TMPRSS15: variants seen among roughly 807,000 people sequenced by gnomAD.
The protein encoded by TMPRSS15 is enteropeptidase.
In TMPRSS15, 128 loss-of-function variants were observed where a neutral mutation model predicts 125.3. That is an observed-to-expected ratio of 1.02 (90% CI 0.89 to 1.18). The LOEUF (loss-of-function observed/expected upper bound fraction) is 1.18, where lower values mean the gene tolerates loss of function less well. Among genes scored for constraint, TMPRSS15 ranks in the 50% most tolerant of loss-of-function variants. TMPRSS15 has a pLI of 0.00. For missense variants in TMPRSS15, 1,283 were observed against 1,212.7 expected, an observed-to-expected ratio of 1.06 and a Z score of -0.86; for synonymous variants, 446 against 423.2, an observed-to-expected ratio of 1.05 and a Z score of -0.66.
intron 1 of TMPRSS15, among the ~76,000 whole-genome samples, chr21:18,442,404 CT>C: frequency 6.6e-6 from 1 of 152,118 alleles, no homozygotes; most frequent in Admixed American, 6.5e-5. Flanking sequence ...GTTTTCTGTA[CT>C]TTTTTCTCCT....
intron 15 of TMPRSS15, among the ~76,000 whole-genome samples, chr21:18,327,530 T>C (rs1427520443): frequency 2.0e-5 from 3 of 152,192 alleles, no homozygotes; most frequent in Non-Finnish European, 4.4e-5. Context: ...TGTAGAATTC[T>C]ACATAAGGGT....
chr21:18,441,138 C>G (rs375618078), intron 1 of TMPRSS15, among the ~76,000 whole-genome samples: 7 of 151,554 alleles, frequency 4.6e-5, no homozygotes, highest in African/African-American at 9.7e-5. Context: ...ACTAAAAATA[C>G]AAAAATGAGC....
intron 21 of TMPRSS15, among the ~76,000 whole-genome samples, chr21:18,289,448 G>T (rs2074807196): frequency 6.6e-6 from 1 of 152,170 alleles, no homozygotes; most frequent in Non-Finnish European, 1.5e-5. Flanking sequence ...GGAGGCGGAG[G>T]TTGCAGTGAG....
At chr21:18,270,574 T>C (rs1285410743) in intron 24 of TMPRSS15, among the ~76,000 whole-genome samples, 1 of 152,192 alleles carries the variant, frequency 6.6e-6, no homozygotes. Context: ...ACACATAAAG[T>C]AGATTTTAGT....
At chr21:18,324,868 A>G (rs1250153522) in intron 16 of TMPRSS15, among the ~76,000 whole-genome samples, 2 of 152,304 alleles carry the variant, frequency 1.3e-5, no homozygotes, top group East Asian at 3.9e-4. Context: ...GAATTAAATT[A>G]AAATAATAGG....
chr21:18,418,451 G>C (rs925023027), intron 1 of TMPRSS15, among the ~76,000 whole-genome samples: 2 of 152,100 alleles, frequency 1.3e-5, no homozygotes, highest in African/African-American at 2.4e-5. Flanking sequence ...ATCTGTGTGC[G>C]AATGGTGTTA....
At chr21:18,480,072 G>A (rs1978953639) in intron 1 of TMPRSS15, among the ~76,000 whole-genome samples, 1 of 152,032 alleles carries the variant, frequency 6.6e-6, no homozygotes, top group Non-Finnish European at 1.5e-5. Context: ...AAAAGGATGA[G>A]TTCATGTCCT....
intron 13 of TMPRSS15, among the ~76,000 whole-genome samples, chr21:18,332,884 A>G (rs1365861965): frequency 1.3e-5 from 2 of 152,234 alleles, no homozygotes; most frequent in Non-Finnish European, 2.9e-5. Flanking sequence ...AAAAGGTGGT[A>G]CATATATACC....
At chr21:18,284,977 G>C (rs147272839) in intron 21 of TMPRSS15, among the ~76,000 whole-genome samples, 1 of 149,886 alleles carries the variant, frequency 6.7e-6, no homozygotes, top group African/African-American at 2.5e-5. Context: ...CTCCAGCCTG[G>C]GTGACAAGAG....
At chr21:18,446,713 T>C (rs919312774) in intron 1 of TMPRSS15, among the ~76,000 whole-genome samples, 6 of 152,156 alleles carry the variant, frequency 3.9e-5, no homozygotes, top group African/African-American at 1.4e-4. Context: ...TTCAATAAAG[T>C]TGCTCTGGAA....
At chr21:18,449,294 A>T (rs1222278405) in intron 1 of TMPRSS15, among the ~76,000 whole-genome samples, 1 of 152,154 alleles carries the variant, frequency 6.6e-6, no homozygotes. Context: ...TAATGCATAT[A>T]GTATGCTGTG....
chr21:18,365,652 T>TTCCTTCCTTCCTTCCG (rs2147033786), intron 6 of TMPRSS15, among the ~76,000 whole-genome samples: 1 of 103,978 alleles, frequency 9.6e-6, no homozygotes, highest in South Asian at 3.5e-4. Flanking sequence ...TTTTCCTCCC[T>TTCCTTCCTTCCTTCCG]TCCTTCCTTC....
chr21:18,458,896 T>C lies in TMPRSS15; in HGVS notation c.10+26903A>G, dbSNP rs186425986. Among the ~76,000 whole-genome samples the C allele has an allele frequency of 7.6e-3, 1,165 of 152,326 alleles. 7 individuals carry two copies. The highest frequency in any genetic ancestry group is 0.024 in the Middle Eastern group (7 of 294). ...TGAAAAATATATCTTATGATGATTA[T>C]ATCATTTTAATTTTCATGAAATAAA... On this transcript the variant is annotated intron_variant, in intron 1 of 7. Transcript: ENST00000422787.
At chr21:18,421,547 G>T (rs1436368132) in intron 1 of TMPRSS15, among the ~76,000 whole-genome samples, 1 of 152,142 alleles carries the variant, frequency 6.6e-6, no homozygotes, top group Non-Finnish European at 1.5e-5. Context: ...GTTCATTAAT[G>T]AAGTTGTAAC....
At chr21:18,470,271 T>C (rs1347213146) in intron 1 of TMPRSS15, among the ~76,000 whole-genome samples, 2 of 151,924 alleles carry the variant, frequency 1.3e-5, no homozygotes, top group African/African-American at 4.8e-5. Context: ...TTGCATACTA[T>C]TCCATTCCAT....
intron 1 of TMPRSS15, among the ~76,000 whole-genome samples, chr21:18,447,439 CAA>C (rs57558994): frequency 1.1e-5 from 1 of 88,138 alleles, no homozygotes. Flanking sequence ...GACTTCAACT[CAA>C]AAAAAAAAAA....
chr21:18,337,216 C>T, intron 13 of TMPRSS15, among the ~76,000 whole-genome samples: 1 of 152,010 alleles, frequency 6.6e-6, no homozygotes, highest in South Asian at 2.1e-4. Flanking sequence ...CTTTAATTTA[C>T]ATTTGGAAGT....
Position 18,352,994 on chromosome 21 carries a change from T to G in TMPRSS15, c.1080A>C (p.Leu360=). The change falls in exon 10 of 25, where the codon CTA becomes CTC. Residue 360 remains leucine, a synonymous_variant. Coordinates refer to ENST00000284885, the MANE Select transcript of TMPRSS15 (RefSeq NM_002772.3). ...TCCTTTCCCATTCATTATCATCATT[T>G]AGATCCTGGACCCAGAAACAAAAGC... ...EDGFCFWVQD[L]NDDNEWERIQ... 8 of 1,611,932 alleles carry G rather than the reference T, an allele frequency of 5.0e-6. No homozygotes were observed. Among genetic ancestry groups the G allele is most frequent in the Non-Finnish European group, 5.9e-6 (7 of 1,178,866 alleles).
At chr21:18,303,340 T>A (rs9983921) in intron 18 of TMPRSS15, among the ~76,000 whole-genome samples, 1 of 151,818 alleles carries the variant, frequency 6.6e-6, no homozygotes, top group Admixed American at 6.6e-5. Flanking sequence ...AATAGAAGCA[T>A]ATGAGGAAAG....
Sources: gnomAD v4.1 joint callset for allele counts (sites outside exome capture counted in the v4.1 genomes callset) on GRCh38, gnomAD v4.1.1 for gene constraint, MANE v1.5 for transcripts, NCBI Gene and HGNC (gene_info 2026-07-23, HGNC 2026-07-21) for gene names.